Variants in SMARCAD1 observed in about 807,000 individuals in gnomAD.
SMARCAD1 encodes SWI/SNF-related matrix-associated actin-dependent regulator of chromatin subfamily A containing DEAD/H box 1.
A neutral mutation model predicts 127.1 loss-of-function variants in SMARCAD1; 25 were observed. The observed-to-expected ratio is 0.20, with a 90% CI of 0.14 to 0.27. The LOEUF (loss-of-function observed/expected upper bound fraction) is 0.27. Among genes scored for constraint, SMARCAD1 ranks in the 10% least tolerant of loss-of-function variants. SMARCAD1 has a pLI of 1.00. For synonymous variants in SMARCAD1, 400 were observed against 396.9 expected, an observed-to-expected ratio of 1.01 and a Z score of -0.09; for missense variants, 807 against 1,206.0, an observed-to-expected ratio of 0.67 and a Z score of 4.90.
intron 22 of SMARCAD1, 113 bp downstream of exon 22, chr4:94,283,416 A>G (rs540431829): frequency 7.8e-4 from 696 of 890,352 alleles, no homozygotes; most frequent in Non-Finnish European, 1.2e-3. Context: ...TCGGCAAAGC[A>G]TGGCTACTGA....
intron 10 of SMARCAD1, among the ~76,000 whole-genome samples, chr4:94,265,689 T>A (rs914680755): frequency 6.6e-6 from 1 of 151,518 alleles, no homozygotes; most frequent in Admixed American, 6.6e-5. Context: ...CTTCCCTTTT[T>A]AAAAAAAATA....
At chr4:94,276,577 TA>T in intron 15 of SMARCAD1, 103 bp downstream of exon 15, 1 of 1,401,540 alleles carries the variant, frequency 7.1e-7, no homozygotes, top group Non-Finnish European at 9.7e-7. Context: ...TGTAGTTTAA[TA>T]TATGTAGTAT....
chr4:94,284,594 T>G (rs1754664100), intron 22 of SMARCAD1, among the ~76,000 whole-genome samples: 1 of 148,464 alleles, frequency 6.7e-6, no homozygotes, highest in Admixed American at 6.7e-5. Flanking sequence ...TTTTTTTCGT[T>G]TTTTTTTTTA....
chr4:94,267,081 A>AAACTAG (rs1751836458), intron 10 of SMARCAD1, among the ~76,000 whole-genome samples: 1 of 31,788 alleles, frequency 3.1e-5, no homozygotes, highest in Admixed American at 4.6e-4. Flanking sequence ...TATCAGCCTT[A>AAACTAG]AAAGATTTCT....
At chr4:94,278,788 A>G (rs1434066596) in intron 18 of SMARCAD1, 55 bp downstream of exon 18, 9 of 1,598,246 alleles carry the variant, frequency 5.6e-6, no homozygotes, top group Non-Finnish European at 7.7e-6. Context: ...CTGGGGATGC[A>G]TTTTGTTTAG....
At chr4:94,270,016 G>A (rs1295390537) in intron 10 of SMARCAD1, among the ~76,000 whole-genome samples, 3 of 151,502 alleles carry the variant, frequency 2.0e-5, no homozygotes. Flanking sequence ...TCATTCTCAG[G>A]GATTAGTCTG....
chr4:94,290,185 A>C lies in SMARCAD1; in HGVS notation c.*651A>C, dbSNP rs1755507620. The C allele has an allele frequency of 2.2e-6, 1 of 454,376 alleles. No individual in the cohort carries two copies. Among genetic ancestry groups the C allele is most frequent in the Non-Finnish European group, 4.4e-6 (1 of 226,764 alleles). The allele number at this position is 454,376 out of a possible 1,614,324, so 28.1% of individuals were successfully genotyped here. A position where few individuals can be genotyped will look rare whatever the true frequency, so the allele number is the denominator to read the frequency against. ...CTAAGTTGTTTTCCAGTGAATAGTA[A>C]CTAAAGAAGCCCCTACCTTGCTCCA... is the stretch of plus-strand genomic sequence containing the variant. On this transcript the variant is annotated 3_prime_UTR_variant, in exon 24 of 24. Coordinates refer to ENST00000354268, the MANE Select transcript of SMARCAD1 (RefSeq NM_020159.5).
At position 94,252,743 on chromosome 4, in the gene SMARCAD1, C is replaced by G; in HGVS notation, c.1017C>G (p.Gly339=). 1.9e-6 allele frequency: 3 copies of G among 1,605,902 alleles called. No homozygotes were observed. The highest frequency in any genetic ancestry group is 2.5e-6 in the Non-Finnish European group (3 of 1,177,004). ...AATTTTCAATGAAAGCACAAAATGG[C>G]TTTAACAAGAAACGTAAAAAAAATG... The part of the protein sequence containing the change: ...KQKFSMKAQN[G]FNKKRKKNVF... Residue 339 remains glycine (G), a synonymous_variant, in exon 9 of 24, where the codon GGC becomes GGG. Transcript: ENST00000354268.
chr4:94,267,929 C>G (rs772365457), intron 10 of SMARCAD1, among the ~76,000 whole-genome samples: 2 of 151,978 alleles, frequency 1.3e-5, no homozygotes, highest in African/African-American at 2.4e-5. Flanking sequence ...TTAGAACCAA[C>G]TAGAAAAGAA....
intron 9 of SMARCAD1, among the ~76,000 whole-genome samples, chr4:94,256,620 C>T (rs906003583): frequency 6.6e-6 from 1 of 152,194 alleles, no homozygotes; most frequent in Non-Finnish European, 1.5e-5. Context: ...GTTGCGGCCT[C>T]TCCAAGTGCC....
In SMARCAD1 at chr4:94,240,870, T is replaced by C; in HGVS notation, c.605-36T>C. The C allele has an allele frequency of 2.0e-6, 3 of 1,509,424 alleles. No individual in the cohort carries two copies. The South Asian group carries it at 3.4e-5, about 17-fold the overall frequency. 93.5% of individuals were successfully genotyped at this position (1,509,424 alleles called of 1,614,324 possible). ...CATTAAATTGATTTTTTGCTATTTC[T>C]GTGCAAAGTTTGAGTGTGCTGCTCT... On this transcript the variant is annotated intron_variant, in intron 5 of 23. Coordinates refer to ENST00000354268, the MANE Select transcript of SMARCAD1 (RefSeq NM_020159.5).
At chr4:94,213,081 T>A in intron 2 of SMARCAD1, 5 of 1,288,090 alleles carry the variant, frequency 3.9e-6, no homozygotes, top group Non-Finnish European at 5.1e-6. Flanking sequence ...GGAAGAGAGA[T>A]CCTACTATAT....
At chr4:94,220,684 A>T (rs1340186831) in intron 2 of SMARCAD1, among the ~76,000 whole-genome samples, 1 of 152,204 alleles carries the variant, frequency 6.6e-6, no homozygotes, top group African/African-American at 2.4e-5. Flanking sequence ...TGATATTTGC[A>T]CTCATGGTGC....
intron 9 of SMARCAD1, among the ~76,000 whole-genome samples, chr4:94,259,796 C>T (rs1371280331): frequency 1.3e-5 from 2 of 152,122 alleles, no homozygotes; most frequent in Non-Finnish European, 2.9e-5. Context: ...ATCATTTTAT[C>T]CTTATAATTT....
Position 94,289,739 on chromosome 4 carries a change from A to G in SMARCAD1, c.*205A>G, listed in dbSNP as rs1579402570. ...TGAAATTTCAAAAAAGAAGCCACAAATATGTAGTTCTGAAGATGTTGAATA... is the reference window on the plus strand; with the variant it reads ...TGAAATTTCAAAAAAGAAGCCACAAGTATGTAGTTCTGAAGATGTTGAATA... On this transcript the variant is annotated 3_prime_UTR_variant, in exon 24 of 24. Transcript: ENST00000354268. The G allele has an allele frequency of 9.0e-6, 6 of 668,098 alleles. No individual in the cohort carries two copies. In the East Asian group the frequency reaches 1.8e-4, roughly 20 times the overall value. The allele number at this position is 668,098 out of a possible 1,614,324, so 41.4% of individuals were successfully genotyped here. A position where few individuals can be genotyped will look rare whatever the true frequency, so the allele number is the denominator to read the frequency against.
chr4:94,277,189 T>A (rs773600114), intron 16 of SMARCAD1, 30 bp downstream of exon 16: 1 of 1,612,428 alleles, frequency 6.2e-7, no homozygotes, highest in Admixed American at 1.7e-5. Context: ...TTCTCCCAAA[T>A]ATGTTATTTG....
At chr4:94,244,397 G>A (rs1245110631) in intron 6 of SMARCAD1, among the ~76,000 whole-genome samples, 1 of 152,216 alleles carries the variant, frequency 6.6e-6, no homozygotes, top group Non-Finnish European at 1.5e-5. Context: ...AGCAGTGATA[G>A]GGAAGTAAAT....
Position 94,280,789 on chromosome 4 carries a change from A to G in SMARCAD1, c.2607+9A>G, listed in dbSNP as rs766809075. On this transcript the variant is annotated intron_variant, in intron 20 of 23. Coordinates refer to ENST00000354268, the MANE Select transcript of SMARCAD1 (RefSeq NM_020159.5). ...CTGAATTGAAACAGAAGGTATTAAAAAAGAATGGCGTTTCTTTTGTATTTT... is the reference window on the plus strand; with the variant it reads ...CTGAATTGAAACAGAAGGTATTAAAGAAGAATGGCGTTTCTTTTGTATTTT... The G allele has an allele frequency of 8.1e-6, 13 of 1,612,856 alleles. No individual in the cohort carries two copies. In the Admixed American group the frequency reaches 1.8e-4, roughly 23 times the overall value.
chr4:94,241,057 A>G (rs1358267697), intron 6 of SMARCAD1, 51 bp downstream of exon 6: 4 of 1,296,596 alleles, frequency 3.1e-6, no homozygotes, highest in African/African-American at 2.9e-5. Flanking sequence ...TAAGGTTAGG[A>G]TATGTGGAGT....
Sources: gnomAD v4.1 joint callset for allele counts (sites outside exome capture counted in the v4.1 genomes callset) on GRCh38, gnomAD v4.1.1 for gene constraint, MANE v1.5 for transcripts, NCBI Gene and HGNC (gene_info 2026-07-23, HGNC 2026-07-21) for gene names.